PRP4K: variants seen among roughly 807,000 people sequenced by gnomAD.
The protein encoded by PRP4K is pre-mRNA processing factor kinase PRP4K.
chr6:4,032,065 G>A, the PRP4K span: 75 of 1,613,758 alleles, frequency 4.6e-5, 1 homozygote, highest in East Asian at 5.3e-4. Flanking sequence ...ACAAAGAAAC[G>A]AAGTAAAAGC....
At chr6:4,061,465 C>T in the PRP4K span, 13 of 152,638 alleles carry the variant, frequency 8.5e-5, no homozygotes, top group South Asian at 4.1e-4. Flanking sequence ...AGAAACGATG[C>T]GTAGTTTTCA....
At chr6:4,038,475 T>G in the PRP4K span, among the ~76,000 whole-genome samples, 1 of 151,296 alleles carries the variant, frequency 6.6e-6, no homozygotes, top group African/African-American at 2.4e-5. Context: ...TTTTTCTAAA[T>G]AGAGATGGAG....
chr6:4,027,615 G>T, the PRP4K span, among the ~76,000 whole-genome samples: 1 of 138,932 alleles, frequency 7.2e-6, no homozygotes. Flanking sequence ...GGGTGGGGTG[G>T]GGGTTGGTCC....
At chr6:4,054,262 A>G in the PRP4K span, among the ~76,000 whole-genome samples, 2 of 152,102 alleles carry the variant, frequency 1.3e-5, no homozygotes, top group Non-Finnish European at 2.9e-5. Context: ...TTTTTAATCA[A>G]TAACTAAGCT....
At chr6:4,029,012 C>CTTTTTTTTTTTTTTTTTTTTT in the PRP4K span, among the ~76,000 whole-genome samples, 13 of 132,480 alleles carry the variant, frequency 9.8e-5, 2 homozygotes, top group African/African-American at 2.5e-4. Context: ...TACTTGGAAT[C>CTTTTTTTTTTTTTTTTTTTTT]TTTTTTTTTT....
chr6:4,029,645 G>A, the PRP4K span, among the ~76,000 whole-genome samples: 1 of 152,006 alleles, frequency 6.6e-6, no homozygotes. Context: ...GAGCCATTGT[G>A]CCTGGGCCAA....
At chr6:4,039,752 T>C in the PRP4K span, among the ~76,000 whole-genome samples, 1 of 152,188 alleles carries the variant, frequency 6.6e-6, no homozygotes, top group Non-Finnish European at 1.5e-5. Context: ...TTACTCCAAT[T>C]TGCACATTCT....
chr6:4,027,023 C>T, the PRP4K span, among the ~76,000 whole-genome samples: 1 of 152,010 alleles, frequency 6.6e-6, no homozygotes, highest in Non-Finnish European at 1.5e-5. Context: ...GCAGGGTGAC[C>T]GTGGGAGAAG....
chr6:4,063,165 T>C, the PRP4K span: 1 of 152,010 alleles, frequency 6.6e-6, no homozygotes, highest in Non-Finnish European at 1.5e-5. Context: ...CCTTCATTTA[T>C]TTTTTGTCTA....
At chr6:4,031,646 CAAA>C in the PRP4K span, 1 of 1,600,084 alleles carries the variant, frequency 6.2e-7, no homozygotes, top group Non-Finnish European at 8.5e-7. Flanking sequence ...ACAGTCGTCA[CAAA>C]AAAAAGAAGC....
the PRP4K span, among the ~76,000 whole-genome samples, chr6:4,054,858 A>G: frequency 6.6e-6 from 1 of 152,256 alleles, no homozygotes; most frequent in African/African-American, 2.4e-5. Context: ...TGTACAATTT[A>G]AAAGGTCATT....
chr6:4,062,287 CCTT>C, the PRP4K span: 4 of 152,610 alleles, frequency 2.6e-5, no homozygotes, highest in Admixed American at 1.3e-4. This position sits in a 1 kb window ranked among gnomAD's most constrained non-coding sequence, Gnocchi z 4.2. Context: ...ACCAGCTTCA[CCTT>C]CTTAACAAGG....
chr6:4,029,217 A>G, the PRP4K span, among the ~76,000 whole-genome samples: 2 of 151,678 alleles, frequency 1.3e-5, no homozygotes. Flanking sequence ...GTCTTTCACA[A>G]CACTGATCGA....
the PRP4K span, among the ~76,000 whole-genome samples, chr6:4,058,244 G>T: frequency 6.6e-6 from 1 of 152,146 alleles, no homozygotes; most frequent in Admixed American, 6.5e-5. Context: ...TGTACATATT[G>T]TCCAAATTCT....
At chr6:4,046,106 A>G in the PRP4K span, among the ~76,000 whole-genome samples, 1 of 152,212 alleles carries the variant, frequency 6.6e-6, no homozygotes, top group Non-Finnish European at 1.5e-5. Flanking sequence ...GGTGTTGTGC[A>G]TTAAGTCATT....
At chr6:4,032,670 A>G in the PRP4K span, 1 of 1,613,590 alleles carries the variant, frequency 6.2e-7, no homozygotes, top group African/African-American at 1.3e-5. Flanking sequence ...CCCCTCGCGG[A>G]CACTGTCTCC....
the PRP4K span, chr6:4,043,786 G>T: frequency 6.2e-7 from 1 of 1,600,434 alleles, no homozygotes; most frequent in South Asian, 1.1e-5. Context: ...TTTTATGAAA[G>T]TATTATCTTC....
At chr6:4,038,724 G>A in the PRP4K span, among the ~76,000 whole-genome samples, 3 of 151,994 alleles carry the variant, frequency 2.0e-5, no homozygotes, top group African/African-American at 7.2e-5. Context: ...CCTCCCTTCT[G>A]ACACTGCTAG....
the PRP4K span, among the ~76,000 whole-genome samples, chr6:4,044,623 G>A: frequency 6.6e-6 from 1 of 151,918 alleles, no homozygotes; most frequent in African/African-American, 2.4e-5. Flanking sequence ...TAACTGGGTT[G>A]GGGAAAGGAG....
Sources: gnomAD v4.1 joint callset for allele counts (sites outside exome capture counted in the v4.1 genomes callset) on GRCh38, gnomAD v4.1.1 for gene constraint, Gnocchi (gnomAD v3.1) non-coding constraint, MANE v1.5 for transcripts, NCBI Gene and HGNC (gene_info 2026-07-23, HGNC 2026-07-21) for gene names.